The following PIEZO2 variants were observed in gnomAD, a reference collection of about 807,000 sequenced individuals.
PIEZO2 encodes piezo type mechanosensitive ion channel component 2.
A neutral mutation model predicts 337.3 loss-of-function variants in PIEZO2; 172 were observed. The observed-to-expected ratio is 0.51, with a 90% CI of 0.45 to 0.58. The LOEUF (loss-of-function observed/expected upper bound fraction) is 0.58. Ranked by LOEUF, PIEZO2 falls within the 20% of genes least tolerant of loss-of-function variation. PIEZO2 has a pLI of 0.00. For synonymous variants in PIEZO2, 1,251 were observed against 1,228.5 expected (o/e 1.02, Z -0.38); for missense variants, 3,028 against 3,391.3 (o/e 0.89, Z 2.66).
chr18:11,057,846 C>A (rs1471109012), intron 2 of PIEZO2, among the ~76,000 whole-genome samples: 1 of 152,238 alleles, frequency 6.6e-6, no homozygotes, highest in Non-Finnish European at 1.5e-5. Flanking sequence ...AAACAAAATT[C>A]TTTCACATTT....
At chr18:11,063,687 G>A (rs1568341782) in intron 2 of PIEZO2, among the ~76,000 whole-genome samples, 1 of 152,192 alleles carries the variant, frequency 6.6e-6, no homozygotes, top group Non-Finnish European at 1.5e-5. Flanking sequence ...TGGCCTAACA[G>A]GCTCCTAAGG....
chr18:10,844,238 G>A lies in PIEZO2; in HGVS notation c.917+11115C>T, dbSNP rs146003447. Among the ~76,000 whole-genome samples the A allele has an allele frequency of 1.8e-3, 273 of 152,024 alleles. 2 individuals are homozygous for A. The highest frequency in any genetic ancestry group is 6.0e-3 in the African/African-American group (250 of 41,490). On this transcript the variant is annotated intron_variant, in intron 7 of 55. Coordinates refer to ENST00000674853, the MANE Select transcript of PIEZO2 (RefSeq NM_001378183.1). ...GTTCGAGACCAGCCTGGCCAACATG[G>A]CGAAGCCCCATCTCTACCAAAAAAT... is the stretch of plus-strand genomic sequence containing the variant.
At chr18:11,045,929 T>G (rs546181943) in intron 2 of PIEZO2, among the ~76,000 whole-genome samples, 1 of 152,324 alleles carries the variant, frequency 6.6e-6, no homozygotes, top group East Asian at 1.9e-4. Context: ...GTCCCACCAC[T>G]CACTGTTGTG....
At chr18:11,093,482 T>TCTCA (rs1290524561) in intron 1 of PIEZO2, among the ~76,000 whole-genome samples, 2 of 151,736 alleles carry the variant, frequency 1.3e-5, no homozygotes, top group Non-Finnish European at 2.9e-5. Context: ...AGTTGGGGAC[T>TCTCA]CTCACTACAC....
intron 1 of PIEZO2, among the ~76,000 whole-genome samples, chr18:11,067,951 T>C (rs2038205449): frequency 6.6e-6 from 1 of 152,240 alleles, no homozygotes; most frequent in Non-Finnish European, 1.5e-5. Context: ...AGACGGAGTC[T>C]TGCTCTGTCC....
At chr18:10,873,330 C>T (rs778366518) in intron 4 of PIEZO2, among the ~76,000 whole-genome samples, 15 of 152,144 alleles carry the variant, frequency 9.9e-5, no homozygotes, top group Non-Finnish European at 1.8e-4. Context: ...CGTGAAAAGA[C>T]TAAGGCTTCA....
At chr18:10,755,807 G>A (rs1175441428) in intron 27 of PIEZO2, among the ~76,000 whole-genome samples, 4 of 150,782 alleles carry the variant, frequency 2.7e-5, no homozygotes. Context: ...GTGAATACAA[G>A]AAGTGAGGAT....
chr18:11,074,699 T>A lies in PIEZO2; in HGVS notation c.65-8477A>T, dbSNP rs1409308470. Among the ~76,000 whole-genome samples, 3 of 152,180 alleles carry A rather than the reference T, an allele frequency of 2.0e-5. No homozygotes were observed. The East Asian group carries it at 5.8e-4, about 29-fold the overall frequency. On this transcript the variant is annotated intron_variant, in intron 1 of 55. Coordinates refer to ENST00000674853, the MANE Select transcript of PIEZO2 (RefSeq NM_001378183.1). Reference sequence around the variant, plus strand: ...TCGATTTGACTTTGACAATTTACAATGTGTCAATATAGAAAGGGGGAAAAT... The same window carrying A: ...TCGATTTGACTTTGACAATTTACAAAGTGTCAATATAGAAAGGGGGAAAAT...
At chr18:11,034,813 CCAGCCTGGG>C (rs1488591565) in intron 2 of PIEZO2, among the ~76,000 whole-genome samples, 1 of 152,142 alleles carries the variant, frequency 6.6e-6, no homozygotes, top group Non-Finnish European at 1.5e-5. Flanking sequence ...CCATTGCACT[CCAGCCTGGG>C]CAACAGAGCG....
At chr18:10,881,213 G>A (rs1464626476) in intron 4 of PIEZO2, among the ~76,000 whole-genome samples, 1 of 151,978 alleles carries the variant, frequency 6.6e-6, no homozygotes, top group African/African-American at 2.4e-5. Flanking sequence ...TGGATTTTCA[G>A]GAGATATATA....
intron 1 of PIEZO2, among the ~76,000 whole-genome samples, chr18:11,091,300 C>T (rs761702033): frequency 6.6e-6 from 1 of 150,386 alleles, no homozygotes; most frequent in Non-Finnish European, 1.5e-5. Context: ...AGGAGAATCA[C>T]TTGACCCCGG....
chr18:10,725,346 G>C lies in PIEZO2; in HGVS notation c.5029+6061C>G, dbSNP rs2036489946. 2.5e-6 allele frequency: 4 copies of C among 1,605,624 alleles called. No individual in the cohort carries two copies. The Admixed American group carries it at 5.0e-5, about 20-fold the overall frequency. On this transcript the variant is annotated intron_variant, in intron 36 of 55. Coordinates refer to ENST00000674853, the MANE Select transcript of PIEZO2 (RefSeq NM_001378183.1). ...CGAAGAGGTTGTGGTGCAGCTGAGTGAAGACCTGCTGTCCCAGGCGGTGAT... is the reference window on the plus strand; with the variant it reads ...CGAAGAGGTTGTGGTGCAGCTGAGTCAAGACCTGCTGTCCCAGGCGGTGAT...
Position 10,817,985 on chromosome 18 carries a change from G to A in PIEZO2, c.918-10711C>T, listed in dbSNP as rs118163982. On this transcript the variant is annotated intron_variant, in intron 7 of 55. Transcript: ENST00000674853. ...AAGAAGACTATTACCTGAATTAAAC[G>A]TTTTCCTTCATAGCCTATTCTGATT... 3.9e-4 allele frequency among the ~76,000 whole-genome samples: 59 copies of A among 150,436 alleles called. No homozygotes were observed. In the East Asian group the frequency reaches 4.1e-3, roughly 10 times the overall value.
intron 1 of PIEZO2, among the ~76,000 whole-genome samples, chr18:11,082,711 G>T (rs1262031379): frequency 6.6e-6 from 1 of 152,192 alleles, no homozygotes; most frequent in Non-Finnish European, 1.5e-5. Flanking sequence ...GAGTATATGT[G>T]TGTATGTGTG....
At chr18:10,955,050 A>T (rs1487668857) in intron 3 of PIEZO2, among the ~76,000 whole-genome samples, 3 of 152,132 alleles carry the variant, frequency 2.0e-5, no homozygotes, top group Non-Finnish European at 1.5e-5. Context: ...GAGAAGAAAG[A>T]GGGGCACAAA....
In PIEZO2 at chr18:11,025,334, G is replaced by T. The variant is rs572156957; in HGVS notation, c.160+40793C>A. On this transcript the variant is annotated intron_variant, in intron 2 of 55. Coordinates refer to ENST00000674853, the MANE Select transcript of PIEZO2 (RefSeq NM_001378183.1). ...TTGATCCTCACAAATCTGGTGATAG[G>T]TAAACGGGGCAGATAACCATATTTT... Among the ~76,000 whole-genome samples the T allele has an allele frequency of 2.0e-5, 3 of 152,290 alleles. No homozygotes were observed. In the East Asian group the frequency reaches 5.8e-4, roughly 29 times the overall value.
chr18:10,714,993 A>AT, intron 38 of PIEZO2, 63 bp from the exon 39 acceptor site: 2 of 1,474,826 alleles, frequency 1.4e-6, no homozygotes, highest in Non-Finnish European at 1.8e-6. Context: ...GCCACCTGGC[A>AT]TTTCTCAACA....
intron 1 of PIEZO2, among the ~76,000 whole-genome samples, chr18:11,123,904 GTAGATTTTAAAGA>G (rs1373281902): frequency 2.9e-5 from 1 of 34,284 alleles, no homozygotes; most frequent in Non-Finnish European, 1.6e-4. Context: ...TGCTGAAAGA[GTAGATTTTAAAGA>G]GTAGATTTTA....
chr18:11,098,865 A>G (rs1240038684), intron 1 of PIEZO2, among the ~76,000 whole-genome samples: 1 of 152,008 alleles, frequency 6.6e-6, no homozygotes, highest in African/African-American at 2.4e-5. Flanking sequence ...TGGTGCGATC[A>G]CAGCTTACTG....
Sources: allele counts gnomAD v4.1 joint callset (sites outside exome capture counted in the v4.1 genomes callset), GRCh38; gene constraint gnomAD v4.1.1; transcripts MANE v1.5; gene names NCBI Gene and HGNC (gene_info 2026-07-23, HGNC 2026-07-21).